SHROOM3: variants seen among roughly 807,000 people sequenced by gnomAD.
The protein encoded by SHROOM3 is shroom family member 3.
In SHROOM3, 47 loss-of-function variants were observed where a neutral mutation model predicts 138.6. The observed-to-expected ratio is 0.34, with a 90% CI of 0.27 to 0.43. SHROOM3 has a LOEUF of 0.43. Ranked by LOEUF, SHROOM3 falls within the 20% of genes least tolerant of loss-of-function variation. The pLI is 1.00. For missense variants in SHROOM3, 2,491 were observed against 2,596.5 expected (o/e 0.96, Z 0.88); for synonymous variants, 1,062 against 1,063.3 (o/e 1.00, Z 0.02).
intron 2 of SHROOM3, among the ~76,000 whole-genome samples, chr4:76,608,725 GCAC>G (rs1734699557): frequency 1.6e-5 from 1 of 62,958 alleles, no homozygotes; most frequent in Admixed American, 1.8e-4. Flanking sequence ...GCACAGCACA[GCAC>G]AGCATAGCAT....
chr4:76,438,069 T>C (rs1011725392), intron 1 of SHROOM3, among the ~76,000 whole-genome samples: 1 of 152,216 alleles, frequency 6.6e-6, no homozygotes, highest in African/African-American at 2.4e-5. Context: ...GCAAAGATTA[T>C]GATTATTGCT....
intron 1 of SHROOM3, among the ~76,000 whole-genome samples, chr4:76,456,775 C>T (rs755328793): frequency 6.6e-6 from 1 of 152,160 alleles, no homozygotes; most frequent in Non-Finnish European, 1.5e-5. Context: ...CTTTTAATCA[C>T]CTGGGTGCAG....
intron 1 of SHROOM3, among the ~76,000 whole-genome samples, chr4:76,523,460 A>T (rs936695884): frequency 1.4e-4 from 21 of 152,186 alleles, no homozygotes; most frequent in Non-Finnish European, 2.9e-4. Flanking sequence ...GAGCATGTAC[A>T]ATGTAGCAAA....
intron 1 of SHROOM3, among the ~76,000 whole-genome samples, chr4:76,475,093 CAT>C (rs1276077766): frequency 1.3e-5 from 2 of 151,994 alleles, no homozygotes; most frequent in East Asian, 3.9e-4. Context: ...TTAGGGAATA[CAT>C]ATGATTTTAG....
intron 8 of SHROOM3, among the ~76,000 whole-genome samples, chr4:76,757,470 C>T (rs571334820): frequency 6.6e-6 from 1 of 152,160 alleles, no homozygotes; most frequent in Non-Finnish European, 1.5e-5. Flanking sequence ...CCTCAGAGCT[C>T]GGTGCTGGGA....
chr4:76,443,103 A>G (rs1432925326), intron 1 of SHROOM3, among the ~76,000 whole-genome samples: 1 of 152,226 alleles, frequency 6.6e-6, no homozygotes, highest in African/African-American at 2.4e-5. Context: ...TTGAGAAAAA[A>G]GGGAAACTCA....
chr4:76,595,223 C>CA (rs1734354675), intron 2 of SHROOM3, among the ~76,000 whole-genome samples: 1 of 152,186 alleles, frequency 6.6e-6, no homozygotes, highest in African/African-American at 2.4e-5. Flanking sequence ...ACCATTAACT[C>CA]TTATTATTAT....
chr4:76,763,386 C>CAA (rs954681704), intron 9 of SHROOM3, among the ~76,000 whole-genome samples: 1 of 139,762 alleles, frequency 7.2e-6, no homozygotes, highest in African/African-American at 2.6e-5. Context: ...GACTCCATCT[C>CAA]AAAAAAAAAA....
At chr4:76,556,299 C>T in intron 2 of SHROOM3, among the ~76,000 whole-genome samples, 1 of 152,166 alleles carries the variant, frequency 6.6e-6, no homozygotes, top group South Asian at 2.1e-4. Context: ...GCTTTGTACT[C>T]CCGGGAACCA....
intron 2 of SHROOM3, among the ~76,000 whole-genome samples, chr4:76,596,581 AACACAC>A (rs58214296): frequency 0.012 from 1,694 of 138,182 alleles, 21 homozygotes; most frequent in East Asian, 0.033. Flanking sequence ...GGTACAGAGA[AACACAC>A]ACACACACAC....
At chr4:76,704,973 T>C (rs1720008242) in intron 2 of SHROOM3, among the ~76,000 whole-genome samples, 1 of 152,002 alleles carries the variant, frequency 6.6e-6, no homozygotes, top group Non-Finnish European at 1.5e-5. Context: ...AATAGAAAAA[T>C]GCAAACTCAA....
Position 76,738,962 on chromosome 4 carries a change from C to T in SHROOM3, c.789C>T (p.Phe263=), listed in dbSNP as rs751685681. Residue 263 remains phenylalanine, a synonymous_variant, in exon 5 of 11, where the codon TTC becomes TTT. Transcript: ENST00000296043. The part of the protein sequence containing the change: ...HNKRDSAYSS[F]STSSSILEYP... Reference sequence around the variant, plus strand: ...AGAGAGACTCGGCTTACAGCTCTTTCTCCACCAGTTCTAGCATCCTAGAGT... The same window carrying T: ...AGAGAGACTCGGCTTACAGCTCTTTTTCCACCAGTTCTAGCATCCTAGAGT... 6.2e-6 allele frequency: 10 copies of T among 1,614,136 alleles called. No individual in the cohort carries two copies. Among genetic ancestry groups the T allele is most frequent in the Non-Finnish European group, 8.5e-6 (10 of 1,180,060 alleles).
chr4:76,463,715 C>T (rs896020305), intron 1 of SHROOM3, among the ~76,000 whole-genome samples: 2 of 152,318 alleles, frequency 1.3e-5, no homozygotes, highest in Admixed American at 1.3e-4. Context: ...GGACCTGGCA[C>T]CTTGCACTGT....
chr4:76,679,731 C>G (rs1003044622), intron 2 of SHROOM3, among the ~76,000 whole-genome samples: 1 of 152,178 alleles, frequency 6.6e-6, no homozygotes, highest in Non-Finnish European at 1.5e-5. Flanking sequence ...TGAATGCCAT[C>G]CAGCTCAGCC....
chr4:76,503,179 A>G (rs1472456782), intron 1 of SHROOM3, among the ~76,000 whole-genome samples: 1 of 147,324 alleles, frequency 6.8e-6, no homozygotes, highest in East Asian at 1.9e-4. Context: ...ACACACACAC[A>G]CACACACACA....
intron 2 of SHROOM3, among the ~76,000 whole-genome samples, chr4:76,681,149 T>C (rs1719180253): frequency 6.6e-6 from 1 of 152,216 alleles, no homozygotes; most frequent in Non-Finnish European, 1.5e-5. Flanking sequence ...GTTCCACAAC[T>C]GGCCTGTGCT....
At chr4:76,614,033 TTTTGTTTG>T (rs71212434) in intron 2 of SHROOM3, among the ~76,000 whole-genome samples, 51,631 of 150,224 alleles carry the variant, frequency 0.34, 9,247 homozygotes, top group East Asian at 0.44. Flanking sequence ...TCGTTTTTTG[TTTTGTTTG>T]TTTGTTTGTT....
intron 2 of SHROOM3, among the ~76,000 whole-genome samples, chr4:76,667,646 G>A (rs1237974266): frequency 6.6e-6 from 1 of 151,918 alleles, no homozygotes; most frequent in Non-Finnish European, 1.5e-5. Flanking sequence ...TTTGTTTAAA[G>A]GGGAAATGCT....
At chr4:76,640,663 C>T (rs1215934093) in intron 2 of SHROOM3, among the ~76,000 whole-genome samples, 2 of 152,326 alleles carry the variant, frequency 1.3e-5, no homozygotes, top group Middle Eastern at 3.4e-3. Context: ...CCAGCCCTTG[C>T]TCTGTCTCTG....
Sources: gnomAD v4.1 joint callset for allele counts (sites outside exome capture counted in the v4.1 genomes callset) on GRCh38, gnomAD v4.1.1 for gene constraint, MANE v1.5 for transcripts, NCBI Gene and HGNC (gene_info 2026-07-23, HGNC 2026-07-21) for gene names.